Variants in THBS4 observed in about 807,000 individuals in gnomAD.
The protein encoded by THBS4 is thrombospondin-4.
Under a neutral mutation model 115.7 loss-of-function variants are expected in THBS4, and 90 were observed. That is an observed-to-expected ratio of 0.78 (90% CI 0.66 to 0.93). The LOEUF (loss-of-function observed/expected upper bound fraction) is 0.93, where lower values mean the gene tolerates loss of function less well. Ranked by LOEUF, THBS4 falls within the 40% of genes least tolerant of loss-of-function variation. The probability of loss-of-function intolerance (pLI) is 0.00; values close to 1 mark genes in which losing one functional copy is unlikely to be tolerated. For missense variants in THBS4, 1,087 were observed against 1,232.7 expected (o/e 0.88, Z 1.77); for synonymous variants, 460 against 479.3 (o/e 0.96, Z 0.53).
chr5:80,012,034 T>C (rs1404657794), intron 2 of THBS4, among the ~76,000 whole-genome samples: 3 of 152,136 alleles, frequency 2.0e-5, no homozygotes, highest in African/African-American at 7.2e-5. Context: ...GCTTATTACC[T>C]GAATGACAGA....
Position 80,068,132 on chromosome 5 carries a change from T to A in THBS4, c.1347+7T>A, listed in dbSNP as rs1447896422. 2 of 1,612,878 alleles carry A rather than the reference T, an allele frequency of 1.2e-6. No individual in the cohort carries two copies. Among genetic ancestry groups the A allele is most frequent in the Non-Finnish European group, 1.7e-6 (2 of 1,179,540 alleles). Reference sequence around the variant, plus strand: ...GGGGGATGTGACATGTGTGGTAAGTTGTTTTTTGACTTCCTCTATCATTTT... The same window carrying A: ...GGGGGATGTGACATGTGTGGTAAGTAGTTTTTTGACTTCCTCTATCATTTT... On this transcript the variant is annotated splice_region_variant and intron_variant, in intron 10 of 21. Transcript: ENST00000350881.
intron 15 of THBS4, among the ~76,000 whole-genome samples, chr5:80,075,026 A>ATATC (rs1284144515): frequency 6.6e-6 from 1 of 152,192 alleles, no homozygotes; most frequent in African/African-American, 2.4e-5. Context: ...AAATGATGTA[A>ATATC]TATCTGCATA....
chr5:80,021,566 G>T (rs2151158632), intron 2 of THBS4, among the ~76,000 whole-genome samples: 1 of 151,908 alleles, frequency 6.6e-6, no homozygotes, highest in Non-Finnish European at 1.5e-5. Context: ...GAGTGTCGTG[G>T]TACAGTCGTA....
chr5:80,011,847 A>G (rs1212028500), intron 2 of THBS4, among the ~76,000 whole-genome samples: 1 of 89,316 alleles, frequency 1.1e-5, no homozygotes, highest in Non-Finnish European at 2.2e-5. Context: ...GGTAAAAGAT[A>G]AAATATGCTG....
chr5:80,060,759 A>G (rs550161065), intron 7 of THBS4, among the ~76,000 whole-genome samples: 7 of 151,882 alleles, frequency 4.6e-5, no homozygotes, highest in African/African-American at 1.7e-4. Context: ...TCAAAAAAAC[A>G]AACAAAAAAA....
intron 2 of THBS4, among the ~76,000 whole-genome samples, chr5:80,016,495 C>T (rs563593526): frequency 1.3e-5 from 2 of 152,006 alleles, no homozygotes; most frequent in Non-Finnish European, 2.9e-5. Context: ...AAAATGAATC[C>T]AGTGAGACAA....
chr5:80,077,918 C>T (rs1743293778), intron 16 of THBS4, 131 bp from the exon 17 acceptor site: 5 of 792,298 alleles, frequency 6.3e-6, no homozygotes, highest in Non-Finnish European at 9.2e-6. Flanking sequence ...TCTCCCAACA[C>T]TGATGGGAAA....
At chr5:80,042,111 G>A (rs1052298473) in intron 2 of THBS4, among the ~76,000 whole-genome samples, 2 of 152,200 alleles carry the variant, frequency 1.3e-5, no homozygotes, top group Non-Finnish European at 2.9e-5. Context: ...GGGCCTTGAG[G>A]AGGTGTCAGA....
intron 2 of THBS4, among the ~76,000 whole-genome samples, chr5:80,028,528 G>A (rs1404759854): frequency 6.6e-6 from 1 of 150,608 alleles, no homozygotes; most frequent in Admixed American, 6.6e-5. Flanking sequence ...GTGTGATCTC[G>A]GCTCACTGCA....
intron 2 of THBS4, among the ~76,000 whole-genome samples, chr5:80,000,205 A>C (rs1470742533): frequency 6.6e-6 from 1 of 152,192 alleles, no homozygotes; most frequent in Non-Finnish European, 1.5e-5. Flanking sequence ...TTTTACTTCA[A>C]ATGCAGGAAC....
At chr5:80,003,301 AT>A (rs1213812058) in intron 2 of THBS4, among the ~76,000 whole-genome samples, 2 of 152,178 alleles carry the variant, frequency 1.3e-5, no homozygotes, top group Admixed American at 1.3e-4. Context: ...TTCGGGCAAT[AT>A]TTAGGGAAAT....
rs182921450 is a variant in THBS4 at position 80,037,137 on chromosome 5, T to G, written c.88+1512T>G. On this transcript the variant is annotated intron_variant, in intron 1 of 21. Transcript: ENST00000350881. ...AAGTTCAAATTTATAGGTATAATTTTTTTGTGTTATATACGTTCTTGACTT... is the reference window on the plus strand; with the variant it reads ...AAGTTCAAATTTATAGGTATAATTTGTTTGTGTTATATACGTTCTTGACTT... Among the ~76,000 whole-genome samples the G allele has an allele frequency of 1.1e-3, 168 of 152,304 alleles. 1 individual carries two copies. The highest frequency in any genetic ancestry group is 1.8e-3 in the Non-Finnish European group (123 of 68,022).
rs1032755319 is a variant in THBS4, at chr5:80,004,830, C to T, written n.177+6403C>T. ...TTGGCTCACTGCAACCTCCGCCTCC[C>T]GGGTTCAAGTGATTCTCCTGCCTCA... On this transcript the variant is annotated intron_variant and non_coding_transcript_variant, in intron 2 of 3. Coordinates refer to the THBS4 transcript ENST00000510218. Among the ~76,000 whole-genome samples the T allele has an allele frequency of 1.6e-4, 24 of 152,138 alleles. No individual in the cohort carries two copies. In the South Asian group the frequency reaches 2.7e-3, roughly 17 times the overall value.
At chr5:80,045,746 A>T (rs256442) in intron 2 of THBS4, among the ~76,000 whole-genome samples, 1 of 151,712 alleles carries the variant, frequency 6.6e-6, no homozygotes, top group Non-Finnish European at 1.5e-5. Context: ...GGTCAGGCTG[A>T]TCTCAAACTC....
At chr5:80,045,827 G>C (rs1466943036) in intron 2 of THBS4, among the ~76,000 whole-genome samples, 2 of 152,090 alleles carry the variant, frequency 1.3e-5, no homozygotes, top group Admixed American at 6.5e-5. Context: ...AACCATGCCC[G>C]GCCCTATGGA....
chr5:80,083,020 G>A, intron 21 of THBS4, 60 bp from the exon 22 acceptor site: 1 of 1,495,646 alleles, frequency 6.7e-7, no homozygotes, highest in Non-Finnish European at 9.3e-7. Context: ...CGCGGGCGGG[G>A]GTCCGGGGTC....
chr5:80,037,862 A>G (rs1197986218), intron 1 of THBS4, among the ~76,000 whole-genome samples: 1 of 152,192 alleles, frequency 6.6e-6, no homozygotes, highest in Non-Finnish European at 1.5e-5. Flanking sequence ...TAAAAAATCC[A>G]ATTTCCCTTT....
At chr5:80,030,159 A>G (rs1832558080) in intron 2 of THBS4, among the ~76,000 whole-genome samples, 1 of 152,140 alleles carries the variant, frequency 6.6e-6, no homozygotes, top group Non-Finnish European at 1.5e-5. Context: ...GCTAGAGTAT[A>G]AATGTCATCA....
At chr5:80,082,702 A>G (rs1743582522) in intron 21 of THBS4, among the ~76,000 whole-genome samples, 157 bp downstream of exon 21, 1 of 152,238 alleles carries the variant, frequency 6.6e-6, no homozygotes, top group South Asian at 2.1e-4. Context: ...TAAAAAGCAG[A>G]TCACATTTAT....
Sources: gnomAD v4.1 joint callset for allele counts (sites outside exome capture counted in the v4.1 genomes callset) on GRCh38, gnomAD v4.1.1 for gene constraint, MANE v1.5 for transcripts, NCBI Gene and HGNC (gene_info 2026-07-23, HGNC 2026-07-21) for gene names.